Variants in DDX3X observed in about 807,000 individuals in gnomAD.
The protein encoded by DDX3X is DEAD-box helicase 3 X-linked.
Under a neutral mutation model 52.7 loss-of-function variants are expected in DDX3X, and 4 were observed. The observed-to-expected ratio is 0.08, with a 90% confidence interval of 0.04 to 0.17. DDX3X has a LOEUF of 0.17. DDX3X is among the 10% of genes least tolerant of loss of function. DDX3X has a pLI of 1.00. For missense variants in DDX3X, 222 were observed against 548.6 expected, an observed-to-expected ratio of 0.40 and a Z score of 5.95; for synonymous variants, 192 against 178.1, an observed-to-expected ratio of 1.08 and a Z score of -0.62.
intron 1 of DDX3X, chrX:41,334,823 C>T: frequency 1.2e-6 from 1 of 863,002 alleles, no homozygotes; most frequent in Non-Finnish European, 1.5e-6. Flanking sequence ...GGGGTAATGG[C>T]GGCGGCCTCT....
chrX:41,347,002 C>T lies in DDX3X; in HGVS notation c.1759C>T (p.Arg587Cys). The change falls in exon 15 of 17, where the codon CGT becomes TGT. Residue 587 changes from arginine to cysteine, a missense_variant. Arg to Cys is a radical substitution (Grantham distance 180, BLOSUM62 -3). Transcript: ENST00000644876. Reference sequence around the variant, plus strand: ...CCACTACAAGGGTAGCAGTCGTGGACGTTCTAAGAGGTGAGGTATAAATAG... The same window carrying T: ...CCACTACAAGGGTAGCAGTCGTGGATGTTCTAAGAGGTGAGGTATAAATAG... ...EHHYKGSSRGRSKSSRFSGGF... is the reference protein window; with the variant it reads ...EHHYKGSSRGCSKSSRFSGGF... 1 of 1,207,441 alleles carries T rather than the reference C, an allele frequency of 8.3e-7. No homozygotes were observed. Among genetic ancestry groups the T allele is most frequent in the Non-Finnish European group, 1.1e-6 (1 of 893,310 alleles).
chrX:41,353,473 A>C (rs1326604353), downstream of DDX3X, among the ~76,000 whole-genome samples: 7 of 104,382 alleles, frequency 6.7e-5, no homozygotes, highest in African/African-American at 2.5e-4. Flanking sequence ...ATCTCAAAAA[A>C]TATATATATA....
chrX:41,334,633 C>A (rs866374227), intron 1 of DDX3X: 1 of 1,074,821 alleles, frequency 9.3e-7, no homozygotes, highest in Non-Finnish European at 1.2e-6. Flanking sequence ...GGGGGGTTTG[C>A]GGGAGTGCGC....
Position 41,344,730 on chromosome X carries a change from A to G in DDX3X, c.1025+331A>G, listed in dbSNP as rs1036225711. On this transcript the variant is annotated intron_variant, in intron 10 of 16. Transcript: ENST00000644876. ...TGGGATTACAGGTGTGAGCCATCGC[A>G]CCCGGCCAAGTATGTTAATTTTTAA... Among the ~76,000 whole-genome samples, 4 of 111,976 alleles carry G rather than the reference A, an allele frequency of 3.6e-5. No homozygotes were observed. In the Admixed American group the frequency reaches 3.8e-4, roughly 11 times the overall value.
In DDX3X at chrX:41,340,623, TTC is replaced by T. The variant is rs748181982; in HGVS notation, c.152-859_152-858del. On this transcript the variant is annotated intron_variant, in intron 3 of 16. Transcript: ENST00000644876. ...TGAGAATATATAGTGATGAGGGTTT[TTC>T]TTTTTCCCAGGTATTCCTGATTGTC... 309 of 272,977 alleles carry T rather than the reference TTC, an allele frequency of 1.1e-3. 1 individual carries two copies. Among genetic ancestry groups the T allele is most frequent in the African/African-American group, 8.4e-3 (302 of 35,936 alleles). The allele number at this position is 272,977 out of a possible 1,213,427, so 22.5% of individuals were successfully genotyped here. A position where few individuals can be genotyped will look rare whatever the true frequency, so the allele number is the denominator to read the frequency against.
chrX:41,337,642 CTTTTTTTTTTT>C (rs5902274), intron 2 of DDX3X, 177 bp downstream of exon 2: 1 of 293,275 alleles, frequency 3.4e-6, no homozygotes, highest in Admixed American at 6.9e-5. Context: ...GCATCGTTGC[CTTTTTTTTTTT>C]TTTTTGGTTG....
intron 1 of DDX3X, chrX:41,334,566 A>G: frequency 1.8e-6 from 2 of 1,090,280 alleles, no homozygotes; most frequent in African/African-American, 3.6e-5. Flanking sequence ...AGGGGGAGGA[A>G]GTGCGCGCGC....
intron 5 of DDX3X, 33 bp from the exon 6 acceptor site, chrX:41,342,704 T>C (rs777805643): frequency 2.5e-6 from 3 of 1,208,141 alleles, no homozygotes; most frequent in Non-Finnish European, 3.4e-6. Context: ...CTAGCTAGTA[T>C]AACAAATGAA....
In DDX3X at chrX:41,342,594, T is replaced by G; in HGVS notation, c.384T>G (p.Cys128Trp). ...AACGTGGTGGAAACAGTCGCTGGTG[T>G]GACAAATCAGATGAAGATGATTGGT... The part of the protein sequence containing the change: ...KFERGGNSRW[C>W]DKSDEDDWSK... Residue 128 changes from cysteine (C) to tryptophan (W), a missense_variant, in exon 5 of 17, where the codon TGT becomes TGG. Cys to Trp is a radical substitution (Grantham distance 215). This residue lies in a region of DDX3X where 93 missense variants were observed against 123.7 expected (regional missense o/e 0.75). Coordinates refer to ENST00000644876, the MANE Select transcript of DDX3X (RefSeq NM_001356.5). The G allele has an allele frequency of 8.3e-7, 1 of 1,212,111 alleles. No individual in the cohort carries two copies. Among genetic ancestry groups the G allele is most frequent in the Non-Finnish European group, 1.1e-6 (1 of 895,571 alleles).
chrX:41,337,638 T>G, intron 2 of DDX3X, 173 bp downstream of exon 2: 1 of 345,819 alleles, frequency 2.9e-6, no homozygotes, highest in Non-Finnish European at 4.6e-6. Context: ...TAAAGCATCG[T>G]TGCCTTTTTT....
chrX:41,333,621 G>A (rs1274726004), upstream of DDX3X: 1 of 110,631 alleles, frequency 9.0e-6, no homozygotes, highest in Non-Finnish European at 1.9e-5. Flanking sequence ...GCTACCCGCG[G>A]AAGAGCGAGG....
chrX:41,346,230 C>T lies in DDX3X; in HGVS notation c.1317C>T (p.Gly439=), dbSNP rs2063922056. ...AAACCTATAATTTTTCAACGACAGGCAAGGATTCACTGACCTTAGTGTTTG... is the reference window on the plus strand; with the variant it reads ...AAACCTATAATTTTTCAACGACAGGTAAGGATTCACTGACCTTAGTGTTTG... ...SFLLDLLNAT[G]KDSLTLVFVE... Residue 439 remains glycine, a splice_region_variant and synonymous_variant, in exon 13 of 17, where the codon GGC becomes GGT. Coordinates refer to ENST00000644876, the MANE Select transcript of DDX3X (RefSeq NM_001356.5). The T allele has an allele frequency of 8.3e-7, 1 of 1,199,115 alleles. No individual in the cohort carries two copies. The highest frequency in any genetic ancestry group is 1.1e-6 in the Non-Finnish European group (1 of 891,507).
chrX:41,333,868 G>A, upstream of DDX3X: 1 of 154,839 alleles, frequency 6.5e-6, no homozygotes, highest in East Asian at 1.5e-4. Context: ...GCAAGTTCTC[G>A]CGAGATCTCG....
upstream of DDX3X, chrX:41,334,016 G>A: frequency 2.4e-6 from 1 of 416,435 alleles, no homozygotes; most frequent in Non-Finnish European, 4.2e-6. Flanking sequence ...AATCCCTTGA[G>A]CTTAGACCTG....
intron 1 of DDX3X, chrX:41,334,646 C>T: frequency 9.4e-7 from 1 of 1,058,670 alleles, no homozygotes; most frequent in East Asian, 4.5e-5. Flanking sequence ...GAGTGCGCAG[C>T]GCGGCGGGAC....
chrX:41,334,647 G>A (rs934500990), intron 1 of DDX3X: 2 of 1,059,701 alleles, frequency 1.9e-6, no homozygotes, highest in East Asian at 4.5e-5. Context: ...AGTGCGCAGC[G>A]CGGCGGGACG....
chrX:41,361,657 A>G (rs1290369587), intron 5 of DDX3X, among the ~76,000 whole-genome samples: 1 of 111,277 alleles, frequency 9.0e-6, no homozygotes, highest in Admixed American at 9.6e-5. Context: ...GTTCTCCTCC[A>G]CTTTGGCCTC....
In DDX3X at chrX:41,348,212, T is replaced by G. The variant is rs1275665342; in HGVS notation, c.*493T>G. On this transcript the variant is annotated 3_prime_UTR_variant, in exon 17 of 17. Transcript: ENST00000644876. ...CATAAATAATATAAGGAAAAACTTA[T>G]GCGGTAGCCTGCATTAGGGCTTTTT... 2 of 189,067 alleles carry G rather than the reference T, an allele frequency of 1.1e-5. No homozygotes were observed. The highest frequency in any genetic ancestry group is 1.5e-4 in the Admixed American group (2 of 12,975). 15.6% of individuals were successfully genotyped at this position (189,067 alleles called of 1,213,427 possible).
At chrX:41,334,832 C>T in intron 1 of DDX3X, 3 of 839,430 alleles carry the variant, frequency 3.6e-6, no homozygotes, top group Non-Finnish European at 4.5e-6. Context: ...GCGGCGGCCT[C>T]TTTTGTGTGG....
Sources: gnomAD v4.1 joint callset for allele counts (sites outside exome capture counted in the v4.1 genomes callset) on GRCh38, gnomAD v4.1.1 for gene constraint, gnomAD v4.1.1 regional missense constraint, MANE v1.5 for transcripts, NCBI Gene and HGNC (gene_info 2026-07-23, HGNC 2026-07-21) for gene names.